The following MLLT10 variants were observed in gnomAD, a reference collection of about 807,000 sequenced individuals.
The protein encoded by MLLT10 is MLLT10 histone lysine methyltransferase DOT1L cofactor.
A neutral mutation model predicts 129.1 loss-of-function variants in MLLT10; 30 were observed. That is an observed-to-expected ratio of 0.23 (90% CI 0.17 to 0.32). The LOEUF (loss-of-function observed/expected upper bound fraction) is 0.32, where lower values mean the gene tolerates loss of function less well. Ranked by LOEUF, MLLT10 falls within the 10% of genes least tolerant of loss-of-function variation. The pLI is 1.00. For synonymous variants in MLLT10, 490 were observed against 446.4 expected (o/e 1.10, Z -1.23); for missense variants, 1,119 against 1,268.3 (o/e 0.88, Z 1.79).
chr10:21,620,023 G>A (rs555195060), intron 8 of MLLT10, among the ~76,000 whole-genome samples: 4 of 150,536 alleles, frequency 2.7e-5, no homozygotes, highest in Admixed American at 6.6e-5. Context: ...TCTGCCTCCC[G>A]GGTTCAAGCG....
At chr10:21,718,706 G>T (rs571515710) in intron 14 of MLLT10, among the ~76,000 whole-genome samples, 8 of 152,178 alleles carry the variant, frequency 5.3e-5, no homozygotes, top group African/African-American at 1.9e-4. Context: ...CAGATATTTC[G>T]TGTTTTTGTT....
At chr10:21,577,461 GTTTT>G (rs34503343) in intron 3 of MLLT10, among the ~76,000 whole-genome samples, 1 of 126,570 alleles carries the variant, frequency 7.9e-6, no homozygotes, top group Admixed American at 8.1e-5. Context: ...ATAGATGAAG[GTTTT>G]TTTTTTTTTT....
intron 3 of MLLT10, among the ~76,000 whole-genome samples, chr10:21,542,900 T>C (rs762201672): frequency 6.6e-6 from 1 of 152,056 alleles, no homozygotes; most frequent in Non-Finnish European, 1.5e-5. Context: ...AAAGAAGTTT[T>C]TGCAGGGGGG....
chr10:21,602,266 G>A (rs955068399), intron 5 of MLLT10, among the ~76,000 whole-genome samples: 11 of 152,128 alleles, frequency 7.2e-5, no homozygotes, highest in African/African-American at 2.7e-4. Context: ...GCTGCTGGTG[G>A]TTTATCCAGC....
At chr10:21,712,697 A>G (rs1353294360) in intron 13 of MLLT10, among the ~76,000 whole-genome samples, 2 of 152,132 alleles carry the variant, frequency 1.3e-5, no homozygotes, top group Non-Finnish European at 2.9e-5. Context: ...TGTCCTGTGC[A>G]TTGTAAGATG....
At chr10:21,618,298 C>T (rs2045463856) in intron 8 of MLLT10, among the ~76,000 whole-genome samples, 1 of 151,822 alleles carries the variant, frequency 6.6e-6, no homozygotes, top group Admixed American at 6.6e-5. Context: ...GAGTTTGAGA[C>T]CAGCCTGGCC....
At chr10:21,625,601 G>T in intron 8 of MLLT10, 1 of 757,796 alleles carries the variant, frequency 1.3e-6, no homozygotes, top group Non-Finnish European at 2.5e-6. Context: ...TTTGTCATCA[G>T]GTTGATCATA....
At chr10:21,663,533 T>C (rs909356606) in intron 9 of MLLT10, among the ~76,000 whole-genome samples, 1 of 151,782 alleles carries the variant, frequency 6.6e-6, no homozygotes, top group Non-Finnish European at 1.5e-5. Context: ...TGTGCCACCA[T>C]GCCCAGCTAA....
chr10:21,542,519 G>C (rs1032093325), intron 3 of MLLT10, among the ~76,000 whole-genome samples: 18 of 152,350 alleles, frequency 1.2e-4, no homozygotes, highest in East Asian at 5.8e-4. Flanking sequence ...GCAGTGAGCT[G>C]AGATCGTGCC....
chr10:21,574,745 T>C (rs923881365), intron 3 of MLLT10, among the ~76,000 whole-genome samples: 1 of 152,188 alleles, frequency 6.6e-6, no homozygotes, highest in Admixed American at 6.6e-5. Flanking sequence ...TAAACTGTCA[T>C]GGCGCTTGTG....
chr10:21,723,499 G>C (rs2057276376), intron 14 of MLLT10, among the ~76,000 whole-genome samples: 1 of 152,216 alleles, frequency 6.6e-6, no homozygotes, highest in East Asian at 1.9e-4. Context: ...ATGACTGCAT[G>C]AACGAGAGTC....
intron 13 of MLLT10, among the ~76,000 whole-genome samples, 187 bp from the exon 14 acceptor site, chr10:21,713,585 T>C (rs938271427): frequency 4.6e-5 from 7 of 152,240 alleles, no homozygotes; most frequent in African/African-American, 1.7e-4. Flanking sequence ...TAGGTTCTTT[T>C]AGACAACTGC....
At chr10:21,583,932 C>T (rs1412779975) in intron 3 of MLLT10, among the ~76,000 whole-genome samples, 1 of 150,496 alleles carries the variant, frequency 6.6e-6, no homozygotes, top group Non-Finnish European at 1.5e-5. Context: ...TGCAGTGACG[C>T]GATCTCGGCT....
chr10:21,634,870 C>G (rs1357963204), intron 8 of MLLT10, among the ~76,000 whole-genome samples: 1 of 152,224 alleles, frequency 6.6e-6, no homozygotes, highest in Non-Finnish European at 1.5e-5. Flanking sequence ...CAACTTGGCA[C>G]TTGTGCCCTT....
chr10:21,603,813 G>GT (rs1276212373), intron 5 of MLLT10, among the ~76,000 whole-genome samples: 1 of 146,936 alleles, frequency 6.8e-6, no homozygotes, highest in Non-Finnish European at 1.5e-5. Flanking sequence ...GTGGTTGACA[G>GT]TTTTTGTTTT....
chr10:21,666,490 C>T (rs907797809), intron 9 of MLLT10, among the ~76,000 whole-genome samples: 1 of 151,720 alleles, frequency 6.6e-6, no homozygotes, highest in Admixed American at 6.6e-5. Context: ...ATGGTGAAAC[C>T]GCTCTCTACT....
At position 21,703,053 on chromosome 10, in the gene MLLT10, CTCTT is replaced by C. The variant is rs559183397; in HGVS notation, c.1700-10714_1700-10711del. ...TCTGTAGGGGTGGTTTGAGTCCTTT[CTCTT>C]TCTTCTTACTTTGTGTATTTGCTTT... On this transcript the variant is annotated intron_variant, in intron 13 of 22. Coordinates refer to ENST00000307729, the MANE Select transcript of MLLT10 (RefSeq NM_001195626.3). Among the ~76,000 whole-genome samples the C allele has an allele frequency of 2.0e-4, 31 of 152,084 alleles. No individual in the cohort carries two copies. The East Asian group carries it at 6.0e-3, about 29-fold the overall frequency.
At chr10:21,562,809 GTTTTTTTTGTT>G (rs1186322988) in intron 3 of MLLT10, among the ~76,000 whole-genome samples, 5 of 76,606 alleles carry the variant, frequency 6.5e-5, no homozygotes, top group African/African-American at 1.2e-4. Flanking sequence ...CATATACTTT[GTTTTTTTTGTT>G]TTTTTTTTTT....
At chr10:21,708,436 G>A (rs935464342) in intron 13 of MLLT10, among the ~76,000 whole-genome samples, 7 of 152,212 alleles carry the variant, frequency 4.6e-5, no homozygotes, top group Non-Finnish European at 8.8e-5. Context: ...TAAGGTGGAT[G>A]TTGTACCAGT....
Sources: allele counts gnomAD v4.1 joint callset (sites outside exome capture counted in the v4.1 genomes callset), GRCh38; gene constraint gnomAD v4.1.1; transcripts MANE v1.5; gene names NCBI Gene and HGNC (gene_info 2026-07-23, HGNC 2026-07-21).